The following IRX4 variants were observed in gnomAD, a reference collection of about 807,000 sequenced individuals.
The protein encoded by IRX4 is iroquois homeobox 4, also known as iroquois-class homeodomain protein IRX-4.
In IRX4, 22 loss-of-function variants were observed where a neutral mutation model predicts 32.0. The observed-to-expected ratio is 0.69, with a 90% CI of 0.49 to 0.98. The LOEUF is 0.98. Among genes scored for constraint, IRX4 ranks in the 50% least tolerant of loss-of-function variants. The probability of loss-of-function intolerance (pLI) is 0.00; values close to 1 mark genes in which losing one functional copy is unlikely to be tolerated. For synonymous variants in IRX4, 379 were observed against 351.7 expected (o/e 1.08, Z -0.87); for missense variants, 840 against 744.2 (o/e 1.13, Z -1.50).
rs762652908 is a variant in IRX4 at position 1,879,814 on chromosome 5, G to T, written c.426C>A (p.Ser142Arg). The change falls in exon 4 of 5, where the codon AGC (serine) becomes AGA (arginine). Residue 142 changes from serine (S) to arginine (R), a missense_variant. Coordinates refer to ENST00000231357, the MANE Select transcript of IRX4 (RefSeq NM_016358.3). ...YPYDRYGTMD[S>R]GTRRKNATRE... ...GCGTGGCGTTCTTGCGCCGCGTGCC[G>T]CTGTCCATGGTTCCATACCTGGAGA... 29 of 1,613,864 alleles carry T rather than the reference G, an allele frequency of 1.8e-5. No individual in the cohort carries two copies. Among genetic ancestry groups the T allele is most frequent in the Non-Finnish European group, 2.1e-5 (25 of 1,180,028 alleles).
At position 1,877,810 on chromosome 5, in the gene IRX4, C is replaced by A; in HGVS notation, c.*159G>T. On this transcript the variant is annotated 3_prime_UTR_variant, in exon 5 of 5. Coordinates refer to ENST00000231357, the MANE Select transcript of IRX4 (RefSeq NM_016358.3). ...GAGGCCCCGGCGTGGCAGCGCCGGG[C>A]TTGTCCATGTTCCCAGGAGTCCAAG... is the stretch of plus-strand genomic sequence containing the variant. 1.4e-6 allele frequency: 1 copy of A among 690,676 alleles called. No individual in the cohort carries two copies. The allele number at this position is 690,676 out of a possible 1,614,324, so 42.8% of individuals were successfully genotyped here. A position where few individuals can be genotyped will look rare whatever the true frequency, so the allele number is the denominator to read the frequency against.
chr5:1,880,895 C>G, intron 2 of IRX4, 61 bp from the exon 3 acceptor site: 1 of 1,246,482 alleles, frequency 8.0e-7, no homozygotes, highest in Non-Finnish European at 1.2e-6. Flanking sequence ...TCCAGCCTCT[C>G]TCCTAGGAGC....
chr5:1,885,276 G>C (rs867759736), upstream of IRX4, among the ~76,000 whole-genome samples: 1 of 152,212 alleles, frequency 6.6e-6, no homozygotes. Context: ...TCTGAGCAGA[G>C]TCTGGGAGAA....
chr5:1,879,810 T>C lies in IRX4; in HGVS notation c.430A>G (p.Thr144Ala). 6.2e-7 allele frequency: 1 copy of C among 1,614,042 alleles called. No individual in the cohort carries two copies. Residue 144 changes from threonine (T) to alanine (A), a missense_variant, in exon 4 of 5, where the codon ACG (threonine) becomes GCG (alanine). By Grantham distance (58) the Thr-to-Ala change is moderately conservative. Transcript: ENST00000231357. ...YDRYGTMDSGTRRKNATRETT... is the reference protein window; with the variant it reads ...YDRYGTMDSGARRKNATRETT... ...TCGCGCGTGGCGTTCTTGCGCCGCGTGCCGCTGTCCATGGTTCCATACCTG... is the reference window on the plus strand; with the variant it reads ...TCGCGCGTGGCGTTCTTGCGCCGCGCGCCGCTGTCCATGGTTCCATACCTG...
Position 1,878,497 on chromosome 5 carries a change from A to C in IRX4, c.1032T>G (p.Pro344=). The C allele has an allele frequency of 7.0e-7, 1 of 1,435,520 alleles. No homozygotes were observed. The highest frequency in any genetic ancestry group is 9.1e-7 in the Non-Finnish European group (1 of 1,102,822). 88.9% of individuals were successfully genotyped at this position (1,435,520 alleles called of 1,614,324 possible). The part of the protein sequence containing the change: ...PEPLPGAEGG[P]QVCEAKLGFV... ...ACCCCAGCTTGGCCTCGCAGACCTG[A>C]GGGCCGCCCTCTGCGCCCGGCAGTG... is the stretch of plus-strand genomic sequence containing the variant. The change falls in exon 5 of 5, where the codon CCT becomes CCG. Residue 344 remains proline, a synonymous_variant. Transcript: ENST00000231357.
At chr5:1,880,152 A>G (rs1735378177) in intron 3 of IRX4, 1 of 1,534,334 alleles carries the variant, frequency 6.5e-7, no homozygotes, top group Non-Finnish European at 8.7e-7. Context: ...TCCTCAAACC[A>G]TAAAAAGGTA....
chr5:1,878,173 A>G lies in IRX4; in HGVS notation c.1356T>C (p.Thr452=). The G allele has an allele frequency of 6.3e-7, 1 of 1,584,872 alleles. No homozygotes were observed. Among genetic ancestry groups the G allele is most frequent in the Non-Finnish European group, 8.6e-7 (1 of 1,168,142 alleles). Residue 452 remains threonine (T), a synonymous_variant, in exon 5 of 5, where the codon ACT becomes ACC. Coordinates refer to ENST00000231357, the MANE Select transcript of IRX4 (RefSeq NM_016358.3). ...VFHDPILRHS[T]LNQAWATAKG... ...TGGCGGTGGCCCAGGCCTGGTTCAA[A>G]GTGCTGTGCCTGAGGATGGGGTCGT...
chr5:1,886,617 C>T (rs1036866479), upstream of IRX4, among the ~76,000 whole-genome samples: 2 of 152,124 alleles, frequency 1.3e-5, no homozygotes, highest in Non-Finnish European at 2.9e-5. Flanking sequence ...TCCCGCTGCG[C>T]CCCCGCCGCT....
chr5:1,879,542 T>TCCTCCTCGCCCC lies in IRX4; in HGVS notation c.686_697dup (p.Gly229_Glu232dup). 1 of 1,613,380 alleles carries TCCTCCTCGCCCC rather than the reference T, an allele frequency of 6.2e-7. No individual in the cohort carries two copies. The highest frequency in any genetic ancestry group is 8.5e-7 in the Non-Finnish European group (1 of 1,179,944). Reference sequence around the variant, plus strand: ...GCTCTTGAGGGGCTCCTCCCGCGCCTCCTCCTCGCCCCCCTCCTCCTCCTC... The same window carrying TCCTCCTCGCCCC: ...GCTCTTGAGGGGCTCCTCCCGCGCCTCCTCCTCGCCCCCCTCCTCGCCCCCCTCCTCCTCCTC... On this transcript the variant is annotated inframe_insertion, in exon 4 of 5. Transcript: ENST00000231357.
At chr5:1,880,506 G>A (rs539044539) in intron 3 of IRX4, among the ~76,000 whole-genome samples, 28 of 152,336 alleles carry the variant, frequency 1.8e-4, no homozygotes, top group African/African-American at 4.3e-4. Context: ...CGTGGGGGAC[G>A]GGGAGACTGG....
In IRX4 at chr5:1,877,929, C is replaced by A. The variant is rs1735258364; in HGVS notation, c.*40G>T. On this transcript the variant is annotated 3_prime_UTR_variant, in exon 5 of 5. Transcript: ENST00000231357. ...AGTGAAAAGAGTCGGCGCCGTCCGC[C>A]TGAGCGCGGGTTCCCTCCTGGGCTC... 1 of 1,471,382 alleles carries A rather than the reference C, an allele frequency of 6.8e-7. No homozygotes were observed. The highest frequency in any genetic ancestry group is 2.4e-4 in the Middle Eastern group (1 of 4,142). The allele number at this position is 1,471,382 out of a possible 1,614,324, so 91.1% of individuals were successfully genotyped here. A position where few individuals can be genotyped will look rare whatever the true frequency, so the allele number is the denominator to read the frequency against.
At chr5:1,884,545 G>A (rs1179772254), upstream of IRX4, 1 of 152,266 alleles carries the variant, frequency 6.6e-6, no homozygotes, top group Non-Finnish European at 1.5e-5. Flanking sequence ...CTTGCAGAGG[G>A]AAACCATCGG....
intron 3 of IRX4, among the ~76,000 whole-genome samples, chr5:1,880,363 C>T (rs139282441): frequency 2.0e-5 from 3 of 152,336 alleles, no homozygotes; most frequent in Non-Finnish European, 4.4e-5. Flanking sequence ...CCACTGTTCC[C>T]ACTGTAGGGG....
chr5:1,882,197 G>T, intron 1 of IRX4, 138 bp from the exon 2 acceptor site: 2 of 1,064,880 alleles, frequency 1.9e-6, no homozygotes, highest in South Asian at 1.7e-5. Flanking sequence ...CAGGATGCTC[G>T]CCCCTTTCCA....
intron 1 of IRX4, 113 bp from the exon 2 acceptor site, chr5:1,882,172 TC>T: frequency 7.9e-7 from 1 of 1,272,326 alleles, no homozygotes; most frequent in Non-Finnish European, 1.1e-6. Context: ...CCCCCGGGCC[TC>T]CCGCCGTCCA....
At chr5:1,879,270 C>T (rs1735338506) in intron 4 of IRX4, among the ~76,000 whole-genome samples, 2 of 152,192 alleles carry the variant, frequency 1.3e-5, no homozygotes, top group Admixed American at 6.5e-5. Flanking sequence ...GGATTACAGG[C>T]GTGAGCCACC....
In IRX4 at chr5:1,877,567, G is replaced by A. The variant is rs898640871; in HGVS notation, c.*402C>T. ...AACTCAGTGCAAGTGCTGTTGGTGAGCATTACGTGCTGAGGATGAAATCGG... is the reference window on the plus strand; with the variant it reads ...AACTCAGTGCAAGTGCTGTTGGTGAACATTACGTGCTGAGGATGAAATCGG... On this transcript the variant is annotated 3_prime_UTR_variant, in exon 5 of 5. Coordinates refer to ENST00000231357, the MANE Select transcript of IRX4 (RefSeq NM_016358.3). The A allele has an allele frequency of 4.4e-5, 10 of 225,200 alleles. No individual in the cohort carries two copies. The Admixed American group carries it at 5.7e-4, about 13-fold the overall frequency. The allele number at this position is 225,200 out of a possible 1,614,324, so 14.0% of individuals were successfully genotyped here.
chr5:1,883,461 C>T (rs998428664), upstream of IRX4, among the ~76,000 whole-genome samples: 4 of 152,334 alleles, frequency 2.6e-5, no homozygotes, highest in Admixed American at 2.0e-4. Flanking sequence ...ACGCCTCCCG[C>T]CGGTTTCCAC....
intron 3 of IRX4, chr5:1,880,231 GA>G: frequency 1.9e-6 from 2 of 1,076,424 alleles, no homozygotes; most frequent in South Asian, 1.5e-5. Flanking sequence ...CCCAGGAGGA[GA>G]AAGCACCCAA....
Sources: gnomAD v4.1 joint callset for allele counts (sites outside exome capture counted in the v4.1 genomes callset) on GRCh38, gnomAD v4.1.1 for gene constraint, MANE v1.5 for transcripts, NCBI Gene and HGNC (gene_info 2026-07-23, HGNC 2026-07-21) for gene names.